RANBP2: variants seen among roughly 807,000 people sequenced by gnomAD.
RANBP2 encodes RAN binding protein 2.
RANBP2 carries 57 observed loss-of-function variants against 303.6 expected under a neutral mutation model. The ratio of observed to expected loss-of-function variants is 0.19; its 90% CI spans 0.15 to 0.23. The LOEUF is 0.23. Ranked by LOEUF, RANBP2 falls within the 10% of genes least tolerant of loss-of-function variation. RANBP2 has a pLI of 1.00. For synonymous variants in RANBP2, 1,167 were observed against 1,301.5 expected, an observed-to-expected ratio of 0.90 and a Z score of 2.23; for missense variants, 3,138 against 3,780.8, an observed-to-expected ratio of 0.83 and a Z score of 4.46.
chr2:108,791,649 G>T, the RANBP2 span: 1 of 1,597,234 alleles, frequency 6.3e-7, no homozygotes, highest in Non-Finnish European at 8.6e-7. Flanking sequence ...CTTCTAGATT[G>T]CTGTGATACA....
chr2:109,615,842 C>T, the RANBP2 span: 1 of 1,614,082 alleles, frequency 6.2e-7, no homozygotes, highest in African/African-American at 1.3e-5. Flanking sequence ...GGGTCGGAGG[C>T]AAAGCCAAGG....
chr2:108,998,568 C>T, the RANBP2 span, among the ~76,000 whole-genome samples: 1 of 152,168 alleles, frequency 6.6e-6, no homozygotes. Context: ...TCTTCTCTCT[C>T]ACTGTTTATC....
At chr2:109,145,054 G>A in the RANBP2 span, among the ~76,000 whole-genome samples, 14 of 152,342 alleles carry the variant, frequency 9.2e-5, no homozygotes, top group South Asian at 6.2e-4. Context: ...GGAGAAGCTC[G>A]TAAGCAGAGT....
chr2:109,293,200 G>A, the RANBP2 span, among the ~76,000 whole-genome samples: 169 of 152,362 alleles, frequency 1.1e-3, no homozygotes, highest in African/African-American at 3.7e-3. Context: ...GTGGGGCCCT[G>A]CAGACAGACT....
the RANBP2 span, among the ~76,000 whole-genome samples, chr2:109,080,414 G>A: frequency 2.0e-5 from 3 of 152,104 alleles, no homozygotes; most frequent in African/African-American, 7.2e-5. Context: ...GGAGAGTGTC[G>A]GAGGGATGGA....
chr2:108,971,062 TCCGGCGAGACCGTG>T, the RANBP2 span, among the ~76,000 whole-genome samples: 1 of 151,976 alleles, frequency 6.6e-6, no homozygotes, highest in South Asian at 2.1e-4. Context: ...AATCACAGGG[TCCGGCGAGACCGTG>T]CTCACTGGGG....
the RANBP2 span, among the ~76,000 whole-genome samples, chr2:109,225,592 C>T: frequency 6.6e-6 from 1 of 152,236 alleles, no homozygotes; most frequent in East Asian, 1.9e-4. Flanking sequence ...ACGTTCCTCT[C>T]TGGGACTTCC....
At chr2:109,299,976 T>G in the RANBP2 span, among the ~76,000 whole-genome samples, 2 of 152,154 alleles carry the variant, frequency 1.3e-5, no homozygotes, top group African/African-American at 4.8e-5. Context: ...TTTGTTCTAT[T>G]TATTTATTTC....
chr2:109,718,888 T>C, the RANBP2 span, among the ~76,000 whole-genome samples: 14 of 150,986 alleles, frequency 9.3e-5, no homozygotes, highest in African/African-American at 3.2e-4. Flanking sequence ...CACATGCCTG[T>C]AATCCCAGCT....
the RANBP2 span, among the ~76,000 whole-genome samples, chr2:109,495,577 C>T: frequency 2.7e-5 from 4 of 149,008 alleles, no homozygotes; most frequent in Non-Finnish European, 4.4e-5. Flanking sequence ...CAACCTCCGC[C>T]TCCCAGATTT....
intron 7 of RANBP2, among the ~76,000 whole-genome samples, chr2:108,746,244 G>A (rs993666786): frequency 4.5e-4 from 53 of 118,426 alleles, no homozygotes; most frequent in Non-Finnish European, 5.2e-4. Context: ...ATGGAGCCTC[G>A]CTCTTTCACC....
At chr2:108,736,723 T>C (rs937811153) in intron 6 of RANBP2, among the ~76,000 whole-genome samples, 1 of 152,164 alleles carries the variant, frequency 6.6e-6, no homozygotes, top group African/African-American at 2.4e-5. Context: ...TTTACCTTTT[T>C]TCCTAAATTT....
the RANBP2 span, among the ~76,000 whole-genome samples, chr2:109,031,431 T>G: frequency 2.6e-3 from 400 of 152,104 alleles, 3 homozygotes; most frequent in African/African-American, 9.1e-3. Context: ...ACGGAATCAC[T>G]TCCCTGGAGG....
chr2:109,090,338 A>C, the RANBP2 span, among the ~76,000 whole-genome samples: 9 of 146,324 alleles, frequency 6.2e-5, no homozygotes, highest in South Asian at 4.4e-4. Context: ...ACACACACAC[A>C]CACACACACA....
chr2:109,284,447 A>G, the RANBP2 span, among the ~76,000 whole-genome samples: 1 of 152,108 alleles, frequency 6.6e-6, no homozygotes, highest in African/African-American at 2.4e-5. Context: ...GGGCGTGTGG[A>G]CTGGGAGGCA....
chr2:109,028,463 C>T, the RANBP2 span, among the ~76,000 whole-genome samples: 1 of 152,128 alleles, frequency 6.6e-6, no homozygotes, highest in Non-Finnish European at 1.5e-5. Flanking sequence ...TGCTGGGAGG[C>T]CTGTCTCCAC....
the RANBP2 span, chr2:109,615,544 G>T: frequency 6.2e-7 from 1 of 1,614,012 alleles, no homozygotes; most frequent in African/African-American, 1.3e-5. Flanking sequence ...GCCATGCACG[G>T]CCACGTGGAG....
the RANBP2 span, among the ~76,000 whole-genome samples, chr2:109,213,820 G>T: frequency 6.6e-6 from 1 of 152,234 alleles, no homozygotes; most frequent in South Asian, 2.1e-4. Context: ...GTGGTGGATG[G>T]GCTGGAAGGG....
At chr2:109,419,993 G>A in the RANBP2 span, among the ~76,000 whole-genome samples, 2 of 152,318 alleles carry the variant, frequency 1.3e-5, no homozygotes, top group Admixed American at 6.5e-5. Context: ...AAGCAGGTGC[G>A]CAGAGCAGCG....
Sources: gnomAD v4.1 joint callset for allele counts (sites outside exome capture counted in the v4.1 genomes callset) on GRCh38, gnomAD v4.1.1 for gene constraint, MANE v1.5 for transcripts, NCBI Gene and HGNC (gene_info 2026-07-23, HGNC 2026-07-21) for gene names.